ANTXR1: variants seen among roughly 807,000 people sequenced by gnomAD.
ANTXR1 encodes anthrax toxin receptor 1.
Under a neutral mutation model 78.1 loss-of-function variants are expected in ANTXR1, and 19 were observed. The observed-to-expected ratio is 0.24, with a 90% CI of 0.17 to 0.36. ANTXR1 has a LOEUF of 0.36. Among genes scored for constraint, ANTXR1 ranks in the 10% least tolerant of loss-of-function variants. The probability of loss-of-function intolerance (pLI) is 1.00; values close to 1 mark genes in which losing one functional copy is unlikely to be tolerated. For missense variants in ANTXR1, 518 were observed against 718.6 expected, an observed-to-expected ratio of 0.72 and a Z score of 3.19; for synonymous variants, 273 against 260.5, an observed-to-expected ratio of 1.05 and a Z score of -0.46.
At chr2:69,112,384 T>C (rs570285171) in intron 10 of ANTXR1, among the ~76,000 whole-genome samples, 10 of 152,312 alleles carry the variant, frequency 6.6e-5, no homozygotes, top group African/African-American at 2.4e-4. Flanking sequence ...GGCTTTAGAC[T>C]GCTTCCCTAC....
At chr2:69,053,662 G>T (rs1284210965) in intron 3 of ANTXR1, among the ~76,000 whole-genome samples, 1 of 152,090 alleles carries the variant, frequency 6.6e-6, no homozygotes, top group Non-Finnish European at 1.5e-5. Context: ...ATCTTTGACT[G>T]GAAATTTCAC....
intron 17 of ANTXR1, among the ~76,000 whole-genome samples, chr2:69,237,607 A>G (rs1198374536): frequency 6.6e-6 from 1 of 152,110 alleles, no homozygotes; most frequent in African/African-American, 2.4e-5. Context: ...TTTTTTGTAG[A>G]TACGGGGTCT....
chr2:69,027,628 GTGTGTGTGTGTA>G (rs1297306426), intron 1 of ANTXR1, among the ~76,000 whole-genome samples: 5 of 144,418 alleles, frequency 3.5e-5, no homozygotes, highest in South Asian at 2.2e-4. Context: ...GCAAGTGTGT[GTGTGTGTGTGTA>G]TGTGTGTGTG....
At chr2:69,102,185 C>A (rs1671642268) in intron 9 of ANTXR1, among the ~76,000 whole-genome samples, 1 of 152,216 alleles carries the variant, frequency 6.6e-6, no homozygotes, top group African/African-American at 2.4e-5. Context: ...TCCTACCTAG[C>A]CTATGTACTG....
At chr2:69,237,088 T>C (rs1360447823) in intron 17 of ANTXR1, among the ~76,000 whole-genome samples, 1 of 152,218 alleles carries the variant, frequency 6.6e-6, no homozygotes, top group African/African-American at 2.4e-5. Flanking sequence ...ACAGACCTTG[T>C]ATTTACACAT....
intron 16 of ANTXR1, among the ~76,000 whole-genome samples, chr2:69,185,969 A>G (rs1236324836): frequency 1.3e-5 from 2 of 152,168 alleles, no homozygotes; most frequent in South Asian, 2.1e-4. Flanking sequence ...AAATGCATAC[A>G]TAGCCGTTGG....
At chr2:69,130,304 C>A (rs1672695073) in intron 12 of ANTXR1, among the ~76,000 whole-genome samples, 1 of 138,450 alleles carries the variant, frequency 7.2e-6, no homozygotes, top group South Asian at 2.3e-4. Flanking sequence ...TAAATGAAGA[C>A]CCCTGTTTTT....
chr2:69,145,376 G>C lies in ANTXR1; in HGVS notation c.952-6793G>C, dbSNP rs775184658. ...CCACAACAGCTGCTTGCATGGAATA[G>C]CAGAGAATACCGCCTGCTCCCTCCG... On this transcript the variant is annotated intron_variant, in intron 12 of 17. Coordinates refer to ENST00000303714, the MANE Select transcript of ANTXR1 (RefSeq NM_032208.3). The C allele has an allele frequency of 2.3e-5, 36 of 1,597,762 alleles. 1 individual carries two copies. The East Asian group carries it at 7.7e-4, about 34-fold the overall frequency.
At chr2:69,237,474 G>C (rs558345028) in intron 17 of ANTXR1, among the ~76,000 whole-genome samples, 1 of 152,312 alleles carries the variant, frequency 6.6e-6, no homozygotes, top group East Asian at 1.9e-4. Context: ...TGTTGCCCAG[G>C]CTGGAATGCA....
intron 17 of ANTXR1, among the ~76,000 whole-genome samples, chr2:69,213,747 C>T (rs1675108379): frequency 1.3e-5 from 2 of 152,260 alleles, no homozygotes; most frequent in Non-Finnish European, 2.9e-5. Flanking sequence ...GCAGAAATTC[C>T]ATTTCAGAGT....
At chr2:69,242,348 T>C (rs1292009439) in intron 17 of ANTXR1, among the ~76,000 whole-genome samples, 3 of 152,212 alleles carry the variant, frequency 2.0e-5, no homozygotes, top group East Asian at 1.9e-4. Flanking sequence ...TTTTAGTCTG[T>C]GGATGCTTTC....
rs577924411 is a variant in ANTXR1, at chr2:69,086,217, G to C, written c.643-4642G>C. 3.3e-5 allele frequency among the ~76,000 whole-genome samples: 5 copies of C among 152,262 alleles called. No homozygotes were observed. The South Asian group carries it at 1.0e-3, about 32-fold the overall frequency. ...AAATGCCGTGCCTATGATAAGGGAGGGATTCCTTATAACTCTGTGCAGATA... is the reference window on the plus strand; with the variant it reads ...AAATGCCGTGCCTATGATAAGGGAGCGATTCCTTATAACTCTGTGCAGATA... On this transcript the variant is annotated intron_variant, in intron 8 of 17. Coordinates refer to ENST00000303714, the MANE Select transcript of ANTXR1 (RefSeq NM_032208.3).
intron 13 of ANTXR1, among the ~76,000 whole-genome samples, chr2:69,168,078 G>A (rs1395240280): frequency 6.6e-6 from 1 of 152,062 alleles, no homozygotes; most frequent in African/African-American, 2.4e-5. Flanking sequence ...CAAAACCCTT[G>A]GCCACTGTCA....
intron 12 of ANTXR1, among the ~76,000 whole-genome samples, chr2:69,142,980 G>A (rs143005945): frequency 2.0e-5 from 3 of 152,278 alleles, no homozygotes; most frequent in Non-Finnish European, 4.4e-5. Flanking sequence ...AAATGTGAAT[G>A]TATACTTTCA....
At chr2:69,202,207 A>C (rs1256435044) in intron 17 of ANTXR1, among the ~76,000 whole-genome samples, 2 of 152,208 alleles carry the variant, frequency 1.3e-5, no homozygotes, top group Non-Finnish European at 2.9e-5. Flanking sequence ...TAGAGCAAGA[A>C]GACGACTAAG....
chr2:69,239,267 G>A (rs751286412), intron 17 of ANTXR1, among the ~76,000 whole-genome samples: 3 of 152,154 alleles, frequency 2.0e-5, no homozygotes, highest in Non-Finnish European at 4.4e-5. Context: ...AGGTTTCAAA[G>A]GAATTCAAAT....
chr2:69,106,326 A>G (rs1671808159), intron 10 of ANTXR1, among the ~76,000 whole-genome samples: 1 of 152,256 alleles, frequency 6.6e-6, no homozygotes, highest in East Asian at 1.9e-4. Context: ...AAAAATCTGG[A>G]TGAAATATGA....
chr2:69,126,759 C>G (rs138562777), intron 12 of ANTXR1, among the ~76,000 whole-genome samples: 57 of 152,284 alleles, frequency 3.7e-4, no homozygotes, highest in African/African-American at 1.3e-3. Flanking sequence ...CAATGCATTG[C>G]AAAATTAGAA....
intron 12 of ANTXR1, among the ~76,000 whole-genome samples, chr2:69,138,213 G>T (rs148085097): frequency 6.6e-6 from 1 of 152,176 alleles, no homozygotes; most frequent in African/African-American, 2.4e-5. Context: ...TTGGGGAAAA[G>T]GACCAAAAAG....
Sources: gnomAD v4.1 joint callset for allele counts (sites outside exome capture counted in the v4.1 genomes callset) on GRCh38, gnomAD v4.1.1 for gene constraint, MANE v1.5 for transcripts, NCBI Gene and HGNC (gene_info 2026-07-23, HGNC 2026-07-21) for gene names.